Variants in SETD9 observed in about 807,000 individuals in gnomAD.
The protein encoded by SETD9 is SET domain-containing protein 9.
Under a neutral mutation model 36.4 loss-of-function variants are expected in SETD9, and 37 were observed. That is an observed-to-expected ratio of 1.02 (90% CI 0.78 to 1.34). The LOEUF (loss-of-function observed/expected upper bound fraction) is 1.34, where lower values mean the gene tolerates loss of function less well. Among genes scored for constraint, SETD9 ranks in the 40% most tolerant of loss-of-function variants. SETD9 has a pLI of 0.00. For missense variants in SETD9, 323 were observed against 353.2 expected (o/e 0.91, Z 0.69); for synonymous variants, 128 against 132.9 (o/e 0.96, Z 0.26).
chr5:56,914,023 A>G, intron 4 of SETD9, 34 bp downstream of exon 4: 2 of 1,449,788 alleles, frequency 1.4e-6, no homozygotes, highest in South Asian at 1.1e-5. Flanking sequence ...GAGATGAGAT[A>G]TATCAATGGC....
At chr5:56,920,592 A>G (rs1210320264), downstream of SETD9, 1 of 152,582 alleles carries the variant, frequency 6.6e-6, no homozygotes, top group East Asian at 1.9e-4. Context: ...ATAAACAGTA[A>G]CAAATTCTCT....
chr5:56,912,611 A>C (rs534669893), intron 2 of SETD9, among the ~76,000 whole-genome samples: 64 of 152,350 alleles, frequency 4.2e-4, no homozygotes, highest in African/African-American at 1.5e-3. Flanking sequence ...AAACAGCCTT[A>C]ATGTCAGACT....
In SETD9 at chr5:56,917,326, C is replaced by T. The variant is rs1163318870; in HGVS notation, c.*424C>T. ...TTTTTACAGAATTGAGTAAAAAATA[C>T]CTATTGTGTTGCCATGAGTAAATTG... is the stretch of plus-strand genomic sequence containing the variant. On this transcript the variant is annotated 3_prime_UTR_variant, in exon 6 of 6. Coordinates refer to ENST00000285947, the MANE Select transcript of SETD9 (RefSeq NM_153706.4). The T allele has an allele frequency of 4.1e-6, 4 of 987,308 alleles. No individual in the cohort carries two copies. Among genetic ancestry groups the T allele is most frequent in the Non-Finnish European group, 3.6e-6 (3 of 831,280 alleles). 61.2% of individuals were successfully genotyped at this position (987,308 alleles called of 1,614,324 possible).
At chr5:56,921,268 A>G (rs1249292457), downstream of SETD9, 6 of 152,546 alleles carry the variant, frequency 3.9e-5, no homozygotes, top group African/African-American at 7.2e-5. Flanking sequence ...TAAATTATAG[A>G]AAGTGTACTG....
At chr5:56,912,161 A>T (rs1749168033) in intron 2 of SETD9, 1 of 984,690 alleles carries the variant, frequency 1.0e-6, no homozygotes, top group Non-Finnish European at 1.2e-6. Flanking sequence ...TCTCAAAAAA[A>T]AGAAAAAAAA....
chr5:56,911,457 C>G lies in SETD9; in HGVS notation c.387C>G (p.Ser129Arg). Residue 129 changes from serine to arginine, a missense_variant, in exon 2 of 6, where the codon AGC (serine) becomes AGG (arginine). Ser to Arg is a moderately radical substitution (Grantham distance 110). Coordinates refer to ENST00000285947, the MANE Select transcript of SETD9 (RefSeq NM_153706.4). The part of the protein sequence containing the change: ...TLGFSVAQAT[S>R]SLISAGKGVF... ...GTTTCAGTGTTGCCCAAGCAACTAG[C>G]TCATTGATTTCTGCTGGAAAAGGTG... is the stretch of plus-strand genomic sequence containing the variant. 6.2e-7 allele frequency: 1 copy of G among 1,609,536 alleles called. No homozygotes were observed. The highest frequency in any genetic ancestry group is 8.5e-7 in the Non-Finnish European group (1 of 1,178,698).
upstream of SETD9, chr5:56,909,399 GGAGA>G: frequency 2.5e-6 from 1 of 398,296 alleles, no homozygotes. Flanking sequence ...CCGAGCGACC[GGAGA>G]AAGAAAAAGT....
downstream of SETD9, among the ~76,000 whole-genome samples, chr5:56,917,725 C>T (rs1434274609): frequency 6.6e-6 from 1 of 152,208 alleles, no homozygotes; most frequent in African/African-American, 2.4e-5. Flanking sequence ...AGCCTGTAGC[C>T]AGCCCAGCCA....
At chr5:56,923,357 G>A in intron 5 of SETD9, 2 of 1,614,122 alleles carry the variant, frequency 1.2e-6, no homozygotes, top group Non-Finnish European at 1.7e-6. Flanking sequence ...TGGTCTCTCT[G>A]ACTCTTCACT....
At chr5:56,919,126 C>CTTTTTT (rs34426416), downstream of SETD9, among the ~76,000 whole-genome samples, 7 of 132,564 alleles carry the variant, frequency 5.3e-5, no homozygotes, top group African/African-American at 2.0e-4. Context: ...TTTGGGACTT[C>CTTTTTT]TTTTTTTTTT....
In SETD9 at chr5:56,911,310, A is replaced by G. The variant is rs781059106; in HGVS notation, c.240A>G (p.Glu80=). The stretch of plus-strand genomic sequence containing the variant: ...CAGAAATCTTGTCTATGCTTCCAGA[A>G]TCTGTTAAATCAAAATATCAAGACC... ...KQSEILSMLP[E]SVKSKYQDLL... The change falls in exon 2 of 6, where the codon GAA becomes GAG. Residue 80 remains glutamate, a synonymous_variant. Coordinates refer to ENST00000285947, the MANE Select transcript of SETD9 (RefSeq NM_153706.4). 6.2e-7 allele frequency: 1 copy of G among 1,611,548 alleles called. No homozygotes were observed. The highest frequency in any genetic ancestry group is 8.5e-7 in the Non-Finnish European group (1 of 1,179,176).
intron 5 of SETD9, among the ~76,000 whole-genome samples, chr5:56,916,217 C>A (rs910978259): frequency 1.3e-5 from 2 of 152,108 alleles, no homozygotes; most frequent in African/African-American, 4.8e-5. Context: ...CATGGTGAAA[C>A]CTCATCTCTA....
chr5:56,913,702 A>G (rs1681719672), intron 3 of SETD9, among the ~76,000 whole-genome samples, 172 bp from the exon 4 acceptor site: 1 of 152,036 alleles, frequency 6.6e-6, no homozygotes, highest in African/African-American at 2.4e-5. Context: ...TACTTTGAAT[A>G]AAATTCTGTT....
rs1748992963 is a variant in SETD9, at chr5:56,909,688, C to T, written c.43C>T (p.Arg15Cys). The change falls in exon 1 of 6, where the codon CGT (arginine) becomes TGT (cysteine). Residue 15 changes from arginine (R) to cysteine (C), a missense_variant. By Grantham distance (180) the Arg-to-Cys change is radical. Coordinates refer to ENST00000285947, the MANE Select transcript of SETD9 (RefSeq NM_153706.4). ...GCGGGGCCTGTGGCAGCGATGGCGCCGTTACAAGTACCGCTTCGTTCCCTG... is the reference window on the plus strand; with the variant it reads ...GCGGGGCCTGTGGCAGCGATGGCGCTGTTACAAGTACCGCTTCGTTCCCTG... ...LLRGLWQRWR[R>C]YKYRFVPWIA... The T allele has an allele frequency of 1.2e-6, 2 of 1,610,144 alleles. No individual in the cohort carries two copies. The highest frequency in any genetic ancestry group is 1.7e-6 in the Non-Finnish European group (2 of 1,178,720).
chr5:56,910,377 G>A (rs1224295856), intron 1 of SETD9: 2 of 1,304,180 alleles, frequency 1.5e-6, no homozygotes, highest in South Asian at 1.2e-5. Context: ...ACGTCGGGAT[G>A]GTGGGTTTCG....
At chr5:56,925,213 C>G (rs74960578) in intron 5 of SETD9, 92 of 332,562 alleles carry the variant, frequency 2.8e-4, no homozygotes, top group South Asian at 1.1e-3. Flanking sequence ...TTCAAACATA[C>G]AGAAAGTGTG....
downstream of SETD9, among the ~76,000 whole-genome samples, chr5:56,926,043 TAAAA>T (rs201015212): frequency 6.7e-6 from 1 of 150,260 alleles, no homozygotes; most frequent in Non-Finnish European, 1.5e-5. Context: ...GACATCCACA[TAAAA>T]AAAAAGAGAA....
At chr5:56,913,776 T>C (rs1030870341) in intron 3 of SETD9, 98 bp from the exon 4 acceptor site, 1 of 692,642 alleles carries the variant, frequency 1.4e-6, no homozygotes, top group African/African-American at 1.8e-5. Context: ...TTTTTTTTTT[T>C]TTTAAGAAAA....
chr5:56,926,153 C>G (rs1376226612), downstream of SETD9, among the ~76,000 whole-genome samples: 1 of 151,880 alleles, frequency 6.6e-6, no homozygotes, highest in Non-Finnish European at 1.5e-5. Flanking sequence ...TCTTAGAAGA[C>G]AACAGTAGAA....
Sources: allele counts gnomAD v4.1 joint callset (sites outside exome capture counted in the v4.1 genomes callset), GRCh38; gene constraint gnomAD v4.1.1; transcripts MANE v1.5; gene names NCBI Gene and HGNC (gene_info 2026-07-23, HGNC 2026-07-21).